FABP6: variants seen among roughly 807,000 people sequenced by gnomAD.
The protein encoded by FABP6 is gastrotropin.
FABP6 carries 13 observed loss-of-function variants against 14.9 expected under a neutral mutation model. That is an observed-to-expected ratio of 0.87 (90% confidence interval 0.57 to 1.39). The LOEUF (loss-of-function observed/expected upper bound fraction) is 1.39. Ranked by LOEUF, FABP6 falls within the 40% of genes most tolerant of loss-of-function variation. FABP6 has a pLI of 0.00. For synonymous variants in FABP6, 75 were observed against 63.6 expected (o/e 1.18, Z -0.85); for missense variants, 161 against 167.2 (o/e 0.96, Z 0.20).
At chr5:160,198,904 C>T (rs1342603435) in intron 1 of FABP6, 2 of 584,630 alleles carry the variant, frequency 3.4e-6, no homozygotes, top group Non-Finnish European at 6.1e-6. Flanking sequence ...GGGCAGGGAC[C>T]TCACGTGTTT....
intron 3 of FABP6, among the ~76,000 whole-genome samples, chr5:160,217,920 G>A (rs1760045979): frequency 6.6e-6 from 1 of 152,136 alleles, no homozygotes; most frequent in African/African-American, 2.4e-5. Context: ...AGGGATTACA[G>A]GCATGAGCCT....
intron 2 of FABP6, among the ~76,000 whole-genome samples, chr5:160,209,171 A>G (rs891960184): frequency 4.6e-5 from 7 of 151,984 alleles, no homozygotes; most frequent in Middle Eastern, 3.2e-3. Context: ...GCAGTGAGCC[A>G]TCTTTGCATC....
intron 3 of FABP6, among the ~76,000 whole-genome samples, chr5:160,217,304 A>T (rs1172804944): frequency 1.3e-5 from 2 of 152,180 alleles, no homozygotes; most frequent in Non-Finnish European, 2.9e-5. Flanking sequence ...GAGATCTGAG[A>T]TGGAGGAAAA....
chr5:160,219,688 A>T (rs78945837), intron 3 of FABP6, among the ~76,000 whole-genome samples: 6 of 1,612 alleles, frequency 3.7e-3, no homozygotes, highest in African/African-American at 0.01. Flanking sequence ...GCAACTAAGG[A>T]AAAAAACAGC....
intron 2 of FABP6, among the ~76,000 whole-genome samples, chr5:160,202,333 CT>C (rs1485647864): frequency 6.6e-6 from 1 of 152,122 alleles, no homozygotes; most frequent in Non-Finnish European, 1.5e-5. Flanking sequence ...TCTTCAAAAA[CT>C]TTTTTCTCTT....
intron 2 of FABP6, among the ~76,000 whole-genome samples, chr5:160,200,272 A>G (rs1759606957): frequency 1.3e-5 from 2 of 151,290 alleles, no homozygotes; most frequent in Non-Finnish European, 2.9e-5. Context: ...ACCCATGGCC[A>G]CCTATTGAGC....
At position 160,233,882 on chromosome 5, in the gene FABP6, A is replaced by G. The variant is rs868570455; in HGVS notation, c.244-938A>G. Among the ~76,000 whole-genome samples, 68 of 142,128 alleles carry G rather than the reference A, an allele frequency of 4.8e-4. No homozygotes were observed. The South Asian group carries it at 0.011, about 23-fold the overall frequency. The allele number at this position is 142,128 out of a possible 152,430, so 93.2% of individuals were successfully genotyped here. A position where few individuals can be genotyped will look rare whatever the true frequency, so the allele number is the denominator to read the frequency against. ...GCGAGGCTCCGTCTCAAAAAAAGAA[A>G]AAAAAAAAAAGAAGTGAAGAAACCG... On this transcript the variant is annotated intron_variant, in intron 2 of 3. Transcript: ENST00000402432.
At chr5:160,209,103 A>C (rs1415680826) in intron 2 of FABP6, among the ~76,000 whole-genome samples, 5 of 151,944 alleles carry the variant, frequency 3.3e-5, no homozygotes, top group African/African-American at 1.2e-4. Context: ...AAAAAAAAAG[A>C]ATTAGTCAAG....
chr5:160,189,367 T>C (rs1459501470), intron 1 of FABP6, among the ~76,000 whole-genome samples: 1 of 151,984 alleles, frequency 6.6e-6, no homozygotes, highest in East Asian at 1.9e-4. Context: ...TCAGCCTCCC[T>C]AGTAGCTGGG....
In FABP6 at chr5:160,214,151, C is replaced by CA. The variant is rs1380479522; in HGVS notation, c.135+332_135+333insA. The stretch of plus-strand genomic sequence containing the variant: ...TCTTTCTTTCTTTCTTTCTTTCTTT[C>CA]TTTCTTTCCTTCTTCTCTCTTATAA... On this transcript the variant is annotated intron_variant, in intron 3 of 6. Coordinates refer to the FABP6 transcript ENST00000393980. 8.7e-3 allele frequency among the ~76,000 whole-genome samples: 1,158 copies of CA among 133,310 alleles called. 31 individuals are homozygous for CA. Among genetic ancestry groups the CA allele is most frequent in the Non-Finnish European group, 9.9e-3 (616 of 62,068 alleles). The allele number at this position is 133,310 out of a possible 152,430, so 87.5% of individuals were successfully genotyped here.
At chr5:160,204,636 C>T (rs1759721179) in intron 2 of FABP6, 1 of 152,188 alleles carries the variant, frequency 6.6e-6, no homozygotes, top group Non-Finnish European at 1.5e-5. Flanking sequence ...ATTACAGGCG[C>T]CCGCCACCAA....
chr5:160,226,533 CA>C (rs71956446), upstream of FABP6, among the ~76,000 whole-genome samples: 3,238 of 136,786 alleles, frequency 0.024, 37 homozygotes, highest in African/African-American at 0.032. Flanking sequence ...GAGACTGTCT[CA>C]AAAAAAAAAA....
At chr5:160,195,029 A>G (rs1156281126) in intron 1 of FABP6, among the ~76,000 whole-genome samples, 3 of 152,152 alleles carry the variant, frequency 2.0e-5, no homozygotes, top group African/African-American at 7.2e-5. Context: ...TCATGCCTGT[A>G]ATCCCAGAAC....
chr5:160,211,407 C>T (rs2113102924), intron 2 of FABP6, among the ~76,000 whole-genome samples: 1 of 152,284 alleles, frequency 6.6e-6, no homozygotes, highest in Middle Eastern at 3.4e-3. Context: ...TGCTGGCCCC[C>T]TTTCTAAGGA....
At chr5:160,222,226 G>A (rs1464395047) in intron 3 of FABP6, among the ~76,000 whole-genome samples, 2 of 151,192 alleles carry the variant, frequency 1.3e-5, no homozygotes, top group Non-Finnish European at 2.9e-5. Context: ...CAAAGTAGCT[G>A]GTACCATAGG....
chr5:160,205,737 T>C lies in FABP6; in HGVS notation c.51+6580T>C, dbSNP rs192012715. On this transcript the variant is annotated intron_variant, in intron 2 of 6. Transcript: ENST00000393980. ...GAAGTGAAGACTCATTTACCTGTCA[T>C]TGGATTCTGTAATGTGAGAGTGTGG... is the stretch of plus-strand genomic sequence containing the variant. Among the ~76,000 whole-genome samples, 17 of 152,306 alleles carry C rather than the reference T, an allele frequency of 1.1e-4. No homozygotes were observed. In the East Asian group the frequency reaches 2.9e-3, roughly 26 times the overall value.
intron 1 of FABP6, among the ~76,000 whole-genome samples, chr5:160,192,664 TCA>T (rs1269850350): frequency 1.9e-4 from 29 of 152,150 alleles, no homozygotes; most frequent in Non-Finnish European, 3.2e-4. Context: ...AGACACAGGC[TCA>T]GTCCTGGCTG....
chr5:160,238,666 AG>A lies in FABP6; in HGVS notation c.*9del, dbSNP rs1238292423. The A allele has an allele frequency of 1.1e-5, 17 of 1,613,758 alleles. No homozygotes were observed. Among genetic ancestry groups the A allele is most frequent in the Non-Finnish European group, 1.4e-5 (17 of 1,179,702 alleles). The stretch of plus-strand genomic sequence containing the variant: ...GAGCAAGAGACTGGCCTAAGCAGCC[AG>A]GCCCGGCCCAGGGAGCTACAAACCC... On this transcript the variant is annotated 3_prime_UTR_variant, in exon 4 of 4. Transcript: ENST00000402432.
Position 160,224,372 on chromosome 5 carries a change from GT to G in FABP6, c.136-5169del, listed in dbSNP as rs1760198403. ...TGGGAGGTTGAGGCTGCAGTGAGGC[GT>G]TTTTGTGCCACTGCACTCCAGCCTG... is the stretch of plus-strand genomic sequence containing the variant. On this transcript the variant is annotated intron_variant, in intron 3 of 6. Coordinates refer to the FABP6 transcript ENST00000393980. Among the ~76,000 whole-genome samples the G allele has an allele frequency of 2.6e-5, 4 of 152,182 alleles. No homozygotes were observed. The South Asian group carries it at 8.3e-4, about 31-fold the overall frequency.
Sources: allele counts gnomAD v4.1 joint callset (sites outside exome capture counted in the v4.1 genomes callset), GRCh38; gene constraint gnomAD v4.1.1; transcripts MANE v1.5; gene names NCBI Gene and HGNC (gene_info 2026-07-23, HGNC 2026-07-21).